HTT: variants seen among roughly 807,000 people sequenced by gnomAD.
HTT encodes huntington disease protein.
In HTT, 104 loss-of-function variants were observed where a neutral mutation model predicts 362.3. The ratio of observed to expected loss-of-function variants is 0.29; its 90% CI spans 0.24 to 0.34. HTT has a LOEUF of 0.34. HTT is among the 10% of genes least tolerant of loss of function. The probability of loss-of-function intolerance (pLI) is 1.00; values close to 1 mark genes in which losing one functional copy is unlikely to be tolerated. For missense variants in HTT, 3,301 were observed against 3,928.6 expected (o/e 0.84, Z 4.27); for synonymous variants, 1,577 against 1,548.7 (o/e 1.02, Z -0.43).
rs201159417 is a variant in HTT, at chr4:3,206,913, G to A, written c.6005G>A (p.Arg2002His). ...GACAGGCTTCTGTGCACCCCTTTCC[G>A]TGTGCTGGCTCGCATGGTCGACATC... ...YVDRLLCTPFRVLARMVDILA... is the reference protein window; with the variant it reads ...YVDRLLCTPFHVLARMVDILA... The change falls in exon 44 of 67, where the codon CGT (arginine) becomes CAT (histidine). Residue 2002 changes from arginine (R) to histidine (H), a missense_variant. Physicochemically the swap from Arg to His is conservative, Grantham distance 29. Coordinates refer to ENST00000355072, the MANE Select transcript of HTT (RefSeq NM_001388492.1). This position sits in a 1 kb window ranked among gnomAD's most constrained non-coding sequence, Gnocchi z 4.6. 166 of 1,613,990 alleles carry A rather than the reference G, an allele frequency of 1.0e-4. No individual in the cohort carries two copies. The highest frequency in any genetic ancestry group is 1.6e-4 in the Middle Eastern group (1 of 6,084).
chr4:3,187,990 C>T (rs891254557), intron 39 of HTT, 104 bp downstream of exon 39: 6 of 678,980 alleles, frequency 8.8e-6, no homozygotes, highest in Non-Finnish European at 1.5e-5. Context: ...TGCTTCACTT[C>T]TGAGTTGGGT....
At chr4:3,224,800 C>T (rs954072966) in intron 56 of HTT, among the ~76,000 whole-genome samples, 13 of 152,338 alleles carry the variant, frequency 8.5e-5, no homozygotes, top group African/African-American at 2.6e-4. Flanking sequence ...ATGTGTTATA[C>T]GCAGTGTCTA....
chr4:3,225,164 T>C (rs1720851868), intron 56 of HTT, among the ~76,000 whole-genome samples: 1 of 149,844 alleles, frequency 6.7e-6, no homozygotes, highest in South Asian at 2.1e-4. Context: ...TGGGGGGGTG[T>C]GAAAGGTTAA....
intron 18 of HTT, 119 bp downstream of exon 18, chr4:3,133,030 T>C: frequency 2.6e-6 from 2 of 764,596 alleles, no homozygotes; most frequent in South Asian, 3.0e-5. Flanking sequence ...TAACCAGTAA[T>C]ACCCACCATG....
chr4:3,115,884 G>T (rs754816394), intron 7 of HTT, among the ~76,000 whole-genome samples: 1 of 152,220 alleles, frequency 6.6e-6, no homozygotes, highest in Non-Finnish European at 1.5e-5. Context: ...GCTTTCAAAG[G>T]CAGTGAGGCT....
At chr4:3,093,186 C>G (rs987456780) in intron 2 of HTT, among the ~76,000 whole-genome samples, 1 of 152,076 alleles carries the variant, frequency 6.6e-6, no homozygotes, top group Non-Finnish European at 1.5e-5. Flanking sequence ...GGAGGTAGAG[C>G]CACCTGAAAG....
rs1339808240 is a variant in HTT, at chr4:3,243,855, A to G, written c.*3796A>G. ...GTCCCGGAGCCCCACCCAGACCTGA[A>G]TGCTTCTGAGAGCAAAGGGAAGGAC... On this transcript the variant is annotated 3_prime_UTR_variant, in exon 67 of 67. Transcript: ENST00000355072. 1 of 152,250 alleles carries G rather than the reference A, an allele frequency of 6.6e-6. No individual in the cohort carries two copies. The highest frequency in any genetic ancestry group is 2.4e-5 in the African/African-American group (1 of 41,470). 9.4% of individuals were successfully genotyped at this position (152,250 alleles called of 1,614,324 possible). A position where few individuals can be genotyped will look rare whatever the true frequency, so the allele number is the denominator to read the frequency against.
At chr4:3,204,952 C>T (rs1489754437) in intron 42 of HTT, among the ~76,000 whole-genome samples, 2 of 152,230 alleles carry the variant, frequency 1.3e-5, no homozygotes, top group South Asian at 2.1e-4. Flanking sequence ...CACTGCACTC[C>T]GGCCTGGGTG....
At position 3,212,626 on chromosome 4, in the gene HTT, G is replaced by A. The variant is rs1720217124; in HGVS notation, c.6691G>A (p.Val2231Met). 5.0e-6 allele frequency: 8 copies of A among 1,614,112 alleles called. No homozygotes were observed. The highest frequency in any genetic ancestry group is 5.9e-6 in the Non-Finnish European group (7 of 1,180,048). The change falls in exon 49 of 67, where the codon GTG (valine) becomes ATG (methionine). Residue 2231 changes from valine to methionine, a missense_variant. Transcript: ENST00000355072. ...LARALAQYLV[V>M]VSKLPSHLHL... ...CCGGGCCCTGGCACAGTACCTGGTG[G>A]TGGTCTCCAAACTGCCCAGTCATTT...
intron 26 of HTT, among the ~76,000 whole-genome samples, chr4:3,151,770 G>C (rs948906553): frequency 1.3e-5 from 2 of 152,114 alleles, no homozygotes; most frequent in African/African-American, 4.8e-5. Context: ...CAAAAAGTTT[G>C]GGGACCTCTG....
chr4:3,162,272 A>C (rs1007016609), intron 29 of HTT, among the ~76,000 whole-genome samples: 10 of 152,168 alleles, frequency 6.6e-5, no homozygotes, highest in Admixed American at 6.5e-4. Flanking sequence ...GTTCTGTTCC[A>C]TTGGTCTATA....
intron 10 of HTT, among the ~76,000 whole-genome samples, chr4:3,124,658 A>G (rs1715441803): frequency 6.6e-6 from 1 of 152,168 alleles, no homozygotes; most frequent in African/African-American, 2.4e-5. Context: ...TTGGCATTTT[A>G]TTTGATTTCT....
chr4:3,104,279 G>A (rs983247580), intron 4 of HTT, among the ~76,000 whole-genome samples: 3 of 151,874 alleles, frequency 2.0e-5, no homozygotes, highest in Non-Finnish European at 4.4e-5. Context: ...GATTACAGGC[G>A]TGAGCCACTG....
At chr4:3,212,252 C>A in intron 48 of HTT, 110 bp downstream of exon 48, 2 of 877,754 alleles carry the variant, frequency 2.3e-6, no homozygotes. Context: ...ACATTGAAAG[C>A]GTTTACAGAG....
At position 3,181,805 on chromosome 4, in the gene HTT, TGGAGA is replaced by T. The variant is rs562974135; in HGVS notation, c.4750-544_4750-540del. Reference sequence around the variant, plus strand: ...GAGCTGCTTGGGTGGGTGGGTGTCATGGAGAGGAGTTCATCAGCCACATGTTCAGT... The same window carrying T: ...GAGCTGCTTGGGTGGGTGGGTGTCATGGAGTTCATCAGCCACATGTTCAGT... On this transcript the variant is annotated intron_variant, in intron 36 of 66. Coordinates refer to ENST00000355072, the MANE Select transcript of HTT (RefSeq NM_001388492.1). 1.1e-3 allele frequency among the ~76,000 whole-genome samples: 167 copies of T among 152,206 alleles called. 5 individuals are homozygous for T. Among genetic ancestry groups the T allele is most frequent in the Admixed American group, 0.01 (157 of 15,282 alleles).
At chr4:3,212,414 G>C (rs139454515) in intron 48 of HTT, 150 bp from the exon 49 acceptor site, 5 of 1,056,090 alleles carry the variant, frequency 4.7e-6, no homozygotes, top group African/African-American at 4.7e-5. Flanking sequence ...CCCAAACCAC[G>C]TGCAGTCCTG....
intron 63 of HTT, 109 bp downstream of exon 63, chr4:3,235,887 T>C: frequency 2.2e-6 from 2 of 899,860 alleles, no homozygotes; most frequent in Non-Finnish European, 1.7e-6. Context: ...TTCACACTTC[T>C]GGTGTTGCCC....
chr4:3,134,333 A>G (rs904358737), intron 18 of HTT, 68 bp from the exon 19 acceptor site: 6 of 1,446,904 alleles, frequency 4.1e-6, no homozygotes, highest in Non-Finnish European at 5.6e-6. Flanking sequence ...ACGGTTCTCA[A>G]ACCGTCAAGA....
intron 5 of HTT, among the ~76,000 whole-genome samples, chr4:3,106,690 T>C (rs1406938133): frequency 6.6e-6 from 1 of 152,192 alleles, no homozygotes; most frequent in Non-Finnish European, 1.5e-5. Flanking sequence ...TGGTTTTTTT[T>C]TCCCCCTTAG....
Sources: gnomAD v4.1 joint callset for allele counts (sites outside exome capture counted in the v4.1 genomes callset) on GRCh38, gnomAD v4.1.1 for gene constraint, Gnocchi (gnomAD v3.1) non-coding constraint, MANE v1.5 for transcripts, NCBI Gene and HGNC (gene_info 2026-07-23, HGNC 2026-07-21) for gene names.